IL1RAPL1: variants seen among roughly 807,000 people sequenced by gnomAD.
The protein encoded by IL1RAPL1 is interleukin-1 receptor accessory protein-like 1.
Under a neutral mutation model 48.4 loss-of-function variants are expected in IL1RAPL1, and 3 were observed. The ratio of observed to expected loss-of-function variants is 0.06; its 90% CI spans 0.03 to 0.16. The LOEUF (loss-of-function observed/expected upper bound fraction) is 0.16. Among genes scored for constraint, IL1RAPL1 ranks in the 10% least tolerant of loss-of-function variants. IL1RAPL1 has a pLI of 1.00. For missense variants in IL1RAPL1, 349 were observed against 530.6 expected (o/e 0.66, Z 3.36); for synonymous variants, 185 against 187.7 (o/e 0.99, Z 0.12).
intron 3 of IL1RAPL1, among the ~76,000 whole-genome samples, chrX:29,354,272 A>T (rs182122516): frequency 1.8e-5 from 2 of 111,327 alleles, no homozygotes; most frequent in African/African-American, 6.5e-5. Flanking sequence ...TTGGAAGATA[A>T]ACATAGGATG....
At position 29,192,401 on chromosome X, in the gene IL1RAPL1, G is replaced by A. The variant is rs762756026; in HGVS notation, c.83-90537G>A. Among the ~76,000 whole-genome samples the A allele has an allele frequency of 4.5e-5, 5 of 111,982 alleles. No individual in the cohort carries two copies. The South Asian group carries it at 1.5e-3, about 33-fold the overall frequency. On this transcript the variant is annotated intron_variant, in intron 2 of 10. Transcript: ENST00000378993. ...ATTTTGGTGGCCCCAAAATTTCTTT[G>A]CAGTGAACACATTTAATAGATGGAG...
chrX:29,562,103 ATCTATCTATCTAATCTATCT>A (rs1470958727), intron 5 of IL1RAPL1, among the ~76,000 whole-genome samples: 96 of 88,256 alleles, frequency 1.1e-3, no homozygotes, highest in Middle Eastern at 5.3e-3. Flanking sequence ...CTATCTATCT[ATCTATCTATCTAATCTATCT>A]ATCTATCTAT....
chrX:28,945,250 G>A (rs1475235292), intron 2 of IL1RAPL1, among the ~76,000 whole-genome samples: 1 of 110,844 alleles, frequency 9.0e-6, no homozygotes, highest in Non-Finnish European at 1.9e-5. Context: ...CCCATTACTG[G>A]GTGTATACCC....
At chrX:29,565,613 C>T (rs778926916) in intron 5 of IL1RAPL1, among the ~76,000 whole-genome samples, 5 of 111,672 alleles carry the variant, frequency 4.5e-5, no homozygotes, top group Admixed American at 9.5e-5. Flanking sequence ...CACCAGATTG[C>T]GTAAATTCTA....
intron 2 of IL1RAPL1, among the ~76,000 whole-genome samples, chrX:28,928,452 C>G (rs761326651): frequency 1.8e-5 from 2 of 111,874 alleles, no homozygotes; most frequent in Non-Finnish European, 3.8e-5. Context: ...AGGCAAAGAT[C>G]TGAATATTTT....
chrX:28,692,446 A>C (rs931095519), intron 1 of IL1RAPL1, among the ~76,000 whole-genome samples: 2 of 111,573 alleles, frequency 1.8e-5, no homozygotes, highest in Admixed American at 1.9e-4. Context: ...GGCTATTGCA[A>C]TGATCTATCT....
At chrX:29,362,325 G>A (rs1787245999) in intron 3 of IL1RAPL1, among the ~76,000 whole-genome samples, 1 of 111,881 alleles carries the variant, frequency 8.9e-6, no homozygotes, top group Non-Finnish European at 1.9e-5. Context: ...TCCTGTAATA[G>A]GTGCTCAATA....
chrX:28,750,433 CTAAGTA>C (rs1290870869), intron 1 of IL1RAPL1, among the ~76,000 whole-genome samples: 1 of 111,402 alleles, frequency 9.0e-6, no homozygotes, highest in Non-Finnish European at 1.9e-5. Flanking sequence ...TGTCATTGCT[CTAAGTA>C]TGTGTTTTCT....
intron 3 of IL1RAPL1, among the ~76,000 whole-genome samples, chrX:29,393,401 T>G (rs938301583): frequency 2.1e-4 from 24 of 111,826 alleles, no homozygotes; most frequent in Non-Finnish European, 3.0e-4. Flanking sequence ...GATTACAGGC[T>G]TGAGCCACCG....
At chrX:28,835,052 C>T (rs1921169919) in intron 2 of IL1RAPL1, among the ~76,000 whole-genome samples, 2 of 111,791 alleles carry the variant, frequency 1.8e-5, no homozygotes, top group Admixed American at 9.5e-5. Context: ...ACCAAAGTGA[C>T]TTATTAGAGG....
At chrX:29,327,809 T>C (rs1932852458) in intron 3 of IL1RAPL1, among the ~76,000 whole-genome samples, 2 of 110,088 alleles carry the variant, frequency 1.8e-5, no homozygotes, top group South Asian at 3.9e-4. Context: ...GTAAAACTTA[T>C]GGTCTCTTTT....
At position 29,608,552 on chromosome X, in the gene IL1RAPL1, C is replaced by T. The variant is rs138062498; in HGVS notation, c.704-59878C>T. ...CTTAAAATAAGAGGAGGAGGCCGGG[C>T]GCGGTGGCTTATGCCTGTAATCCCA... On this transcript the variant is annotated intron_variant, in intron 5 of 10. Coordinates refer to ENST00000378993, the MANE Select transcript of IL1RAPL1 (RefSeq NM_014271.4). Among the ~76,000 whole-genome samples the T allele has an allele frequency of 8.1e-3, 897 of 111,312 alleles. 11 individuals carry two copies. Among genetic ancestry groups the T allele is most frequent in the African/African-American group, 0.028 (852 of 30,597 alleles).
At chrX:29,509,894 T>A (rs1026891101) in intron 5 of IL1RAPL1, among the ~76,000 whole-genome samples, 3 of 112,339 alleles carry the variant, frequency 2.7e-5, no homozygotes, top group African/African-American at 9.7e-5. Context: ...AATTTGACAG[T>A]CAATCATCAT....
intron 2 of IL1RAPL1, among the ~76,000 whole-genome samples, chrX:28,840,186 T>C (rs765661813): frequency 9.3e-6 from 1 of 107,846 alleles, no homozygotes; most frequent in East Asian, 3.1e-4. Flanking sequence ...TTTTGAAATA[T>C]ATACTTAAAG....
intron 2 of IL1RAPL1, among the ~76,000 whole-genome samples, chrX:28,832,329 G>A (rs1435278653): frequency 9.0e-6 from 1 of 110,563 alleles, no homozygotes; most frequent in Middle Eastern, 4.7e-3. Context: ...TTATTTACTC[G>A]AAGTACTCTT....
chrX:29,947,477 G>T (rs779236983), intron 9 of IL1RAPL1, among the ~76,000 whole-genome samples: 1 of 111,287 alleles, frequency 9.0e-6, no homozygotes, highest in African/African-American at 3.3e-5. Flanking sequence ...CTAGTCCTAC[G>T]TTGGGAGTTA....
chrX:29,417,978 A>T (rs986859324), intron 5 of IL1RAPL1, among the ~76,000 whole-genome samples: 1 of 106,041 alleles, frequency 9.4e-6, no homozygotes, highest in African/African-American at 3.4e-5. Context: ...GGTTTTCAAA[A>T]TTTTACCTAT....
At chrX:29,550,087 TTC>T (rs1318182901) in intron 5 of IL1RAPL1, among the ~76,000 whole-genome samples, 1 of 112,392 alleles carries the variant, frequency 8.9e-6, no homozygotes, top group Non-Finnish European at 1.9e-5. Flanking sequence ...ATGTACAGAA[TTC>T]TCTTTGATAT....
chrX:29,429,773 T>C (rs1455859096), intron 5 of IL1RAPL1, among the ~76,000 whole-genome samples: 2 of 111,130 alleles, frequency 1.8e-5, no homozygotes, highest in Non-Finnish European at 3.8e-5. Context: ...AGTGTTGCAT[T>C]GCTCAGAAAT....
Sources: gnomAD v4.1 joint callset for allele counts (sites outside exome capture counted in the v4.1 genomes callset) on GRCh38, gnomAD v4.1.1 for gene constraint, MANE v1.5 for transcripts, NCBI Gene and HGNC (gene_info 2026-07-23, HGNC 2026-07-21) for gene names.